Variants in CFAP47 observed in about 807,000 individuals in gnomAD.
CFAP47 encodes cilia and flagella associated protein 47.
In CFAP47, 29 loss-of-function variants were observed where a neutral mutation model predicts 148.1. The observed-to-expected ratio is 0.20, with a 90% CI of 0.15 to 0.27. The LOEUF (loss-of-function observed/expected upper bound fraction) is 0.27. Among genes scored for constraint, CFAP47 ranks in the 10% least tolerant of loss-of-function variants. CFAP47 has a pLI of 1.00. For missense variants in CFAP47, 1,872 were observed against 1,697.5 expected, an observed-to-expected ratio of 1.10 and a Z score of -1.81; for synonymous variants, 664 against 577.3, an observed-to-expected ratio of 1.15 and a Z score of -2.15.
At chrX:36,350,461 A>G (rs1941734620) in intron 59 of CFAP47, among the ~76,000 whole-genome samples, 1 of 110,984 alleles carries the variant, frequency 9.0e-6, no homozygotes, top group Non-Finnish European at 1.9e-5. Flanking sequence ...ACTTTTAGTC[A>G]TCCTTTTTCG....
chrX:36,079,037 A>G (rs1005245015), intron 29 of CFAP47, among the ~76,000 whole-genome samples: 1 of 112,051 alleles, frequency 8.9e-6, no homozygotes, highest in Non-Finnish European at 1.9e-5. Context: ...GGTTTCTGCC[A>G]AGAGATCCAC....
intron 63 of CFAP47, among the ~76,000 whole-genome samples, chrX:36,383,555 A>T (rs1212547905): frequency 5.4e-5 from 6 of 110,984 alleles, no homozygotes; most frequent in South Asian, 7.5e-4. Flanking sequence ...ACGAAGTAAA[A>T]TTTTTTTTTA....
intron 56 of CFAP47, among the ~76,000 whole-genome samples, chrX:36,316,816 C>T (rs1317396068): frequency 3.6e-5 from 4 of 112,184 alleles, no homozygotes; most frequent in Non-Finnish European, 7.5e-5. Context: ...GACATGGTCT[C>T]ACTTGGTCCC....
intron 46 of CFAP47, among the ~76,000 whole-genome samples, chrX:36,232,291 G>T (rs1272132450): frequency 1.8e-4 from 20 of 111,733 alleles, no homozygotes; most frequent in African/African-American, 5.9e-4. Flanking sequence ...CAATTTCAGA[G>T]CCTGTTATCG....
intron 39 of CFAP47, among the ~76,000 whole-genome samples, chrX:36,171,110 C>T (rs1201113630): frequency 5.2e-4 from 57 of 109,809 alleles, no homozygotes; most frequent in African/African-American, 1.7e-3. Context: ...GAGAAGTGTC[C>T]GTTCATGTCC....
At chrX:36,081,120 A>C (rs1937972355) in intron 29 of CFAP47, among the ~76,000 whole-genome samples, 1 of 111,650 alleles carries the variant, frequency 9.0e-6, no homozygotes, top group Non-Finnish European at 1.9e-5. Context: ...AAAGAAAAAA[A>C]GAGAGAATAT....
intron 57 of CFAP47, among the ~76,000 whole-genome samples, chrX:36,325,753 T>C: frequency 9.0e-6 from 1 of 111,489 alleles, no homozygotes; most frequent in Non-Finnish European, 1.9e-5. Flanking sequence ...TCCACATCAA[T>C]TCATCATTGA....
chrX:36,299,711 T>C (rs1941279479), intron 52 of CFAP47, among the ~76,000 whole-genome samples: 1 of 111,796 alleles, frequency 8.9e-6, no homozygotes, highest in African/African-American at 3.2e-5. Flanking sequence ...TACTTTCTGC[T>C]TCTGAGTTCA....
chrX:36,346,078 G>A (rs1941695093), intron 57 of CFAP47, among the ~76,000 whole-genome samples: 1 of 111,792 alleles, frequency 8.9e-6, no homozygotes, highest in Admixed American at 9.6e-5. Flanking sequence ...GTAAAGCAGT[G>A]TTACTTTAAA....
At chrX:36,169,295 G>A (rs1189077277) in intron 39 of CFAP47, among the ~76,000 whole-genome samples, 1 of 109,945 alleles carries the variant, frequency 9.1e-6, no homozygotes, top group Non-Finnish European at 1.9e-5. Flanking sequence ...CTTCTTGGAT[G>A]GGGAAATTAA....
rs149726689 is a variant in CFAP47, at chrX:35,993,847, T to C, written c.3099+526T>C. Among the ~76,000 whole-genome samples the C allele has an allele frequency of 5.2e-3, 583 of 112,009 alleles. 6 individuals are homozygous for C. Among genetic ancestry groups the C allele is most frequent in the African/African-American group, 0.018 (559 of 30,854 alleles). On this transcript the variant is annotated intron_variant, in intron 18 of 63. Coordinates refer to ENST00000378653, the MANE Select transcript of CFAP47 (RefSeq NM_001304548.2). ...AAAAAAATAATCAATTTTGCAATGC[T>C]AATTCTAAAGAGTCTTAATAATATG...
chrX:36,230,650 A>G (rs1396172492), intron 46 of CFAP47, among the ~76,000 whole-genome samples: 1 of 110,202 alleles, frequency 9.1e-6, no homozygotes. Context: ...TTTTGTTGCC[A>G]TTGCTTCTGG....
intron 2 of CFAP47, among the ~76,000 whole-genome samples, chrX:35,929,078 A>G (rs1935787234): frequency 9.0e-6 from 1 of 111,674 alleles, no homozygotes; most frequent in African/African-American, 3.3e-5. Flanking sequence ...AATATCATGT[A>G]GAATAATTCC....
chrX:36,098,667 A>C, intron 30 of CFAP47, 126 bp from the exon 31 acceptor site: 1 of 344,659 alleles, frequency 2.9e-6, no homozygotes, highest in Non-Finnish European at 4.9e-6. Context: ...ATAACTTTTA[A>C]ATTTGAAAAA....
At chrX:36,328,538 C>T (rs1011420076) in intron 57 of CFAP47, among the ~76,000 whole-genome samples, 9 of 111,481 alleles carry the variant, frequency 8.1e-5, no homozygotes, top group South Asian at 3.7e-4. Flanking sequence ...GGGCCGGGCG[C>T]GGTGGCTCAC....
At chrX:36,186,493 A>T (rs1275781524) in intron 40 of CFAP47, among the ~76,000 whole-genome samples, 1 of 111,988 alleles carries the variant, frequency 8.9e-6, no homozygotes, top group African/African-American at 3.2e-5. Flanking sequence ...AGTTTTCATG[A>T]TGCATGTGGC....
chrX:35,999,366 C>T (rs1436492308), intron 19 of CFAP47, among the ~76,000 whole-genome samples: 1 of 111,665 alleles, frequency 9.0e-6, no homozygotes, highest in Admixed American at 9.6e-5. Flanking sequence ...ATTTTAGTAA[C>T]TCTACTACAA....
chrX:36,174,359 A>G (rs1308748666), intron 39 of CFAP47, among the ~76,000 whole-genome samples: 1 of 107,891 alleles, frequency 9.3e-6, no homozygotes, highest in African/African-American at 3.4e-5. Context: ...TTAGCTGGTT[A>G]TTTTGCTCGT....
chrX:36,144,714 T>A, intron 35 of CFAP47: 2 of 1,025,016 alleles, frequency 2.0e-6, no homozygotes, highest in Non-Finnish European at 2.6e-6. Context: ...GTTTGCTTGT[T>A]TTTTTGTTTG....
Sources: gnomAD v4.1 joint callset for allele counts (sites outside exome capture counted in the v4.1 genomes callset) on GRCh38, gnomAD v4.1.1 for gene constraint, MANE v1.5 for transcripts, NCBI Gene and HGNC (gene_info 2026-07-23, HGNC 2026-07-21) for gene names.